Variants in SEC11A observed in about 807,000 individuals in gnomAD.
SEC11A encodes signal peptidase complex catalytic subunit SEC11A.
SEC11A carries 14 observed loss-of-function variants against 25.6 expected under a neutral mutation model. The ratio of observed to expected loss-of-function variants is 0.55; its 90% CI spans 0.36 to 0.85. The LOEUF (loss-of-function observed/expected upper bound fraction) is 0.85, where lower values mean the gene tolerates loss of function less well. SEC11A is among the 40% of genes least tolerant of loss of function. The pLI is 0.01. For missense variants in SEC11A, 153 were observed against 222.9 expected (o/e 0.69, Z 2.00); for synonymous variants, 83 against 76.4 (o/e 1.09, Z -0.45).
chr15:84,706,198 T>A (rs1174195784), intron 1 of SEC11A, among the ~76,000 whole-genome samples: 4 of 152,110 alleles, frequency 2.6e-5, no homozygotes, highest in African/African-American at 9.7e-5. Flanking sequence ...TGAGCCACCA[T>A]ACCTGGCCTG....
At chr15:84,690,099 C>T (rs938282163) in intron 2 of SEC11A, among the ~76,000 whole-genome samples, 6 of 152,172 alleles carry the variant, frequency 3.9e-5, no homozygotes, top group Admixed American at 3.9e-4. Context: ...GAGATCCTAT[C>T]TGCTACGGTT....
intron 1 of SEC11A, among the ~76,000 whole-genome samples, chr15:84,714,153 C>G (rs1898382925): frequency 6.7e-6 from 1 of 149,518 alleles, no homozygotes; most frequent in Non-Finnish European, 1.5e-5. Context: ...GTAGCTGGAA[C>G]TACAGGCGTG....
At chr15:84,691,870 C>T in intron 1 of SEC11A, 1 of 378,028 alleles carries the variant, frequency 2.6e-6, no homozygotes, top group East Asian at 4.6e-5. Context: ...ACATCAGTTA[C>T]ATTTATATAA....
At chr15:84,715,622 G>A (rs756784899) in intron 1 of SEC11A, among the ~76,000 whole-genome samples, 1 of 152,086 alleles carries the variant, frequency 6.6e-6, no homozygotes, top group Non-Finnish European at 1.5e-5. Context: ...CTTCCTGAGC[G>A]CCCCAGAAAC....
At chr15:84,681,447 T>C (rs981355745) in intron 3 of SEC11A, among the ~76,000 whole-genome samples, 1 of 151,962 alleles carries the variant, frequency 6.6e-6, no homozygotes, top group East Asian at 2.0e-4. Context: ...CTGGCCAACA[T>C]GGCGAAACCC....
intron 1 of SEC11A, among the ~76,000 whole-genome samples, chr15:84,710,673 T>C (rs1036996367): frequency 1.3e-5 from 2 of 152,052 alleles, no homozygotes; most frequent in South Asian, 2.1e-4. Flanking sequence ...TGCTACACTT[T>C]AAATAGGATA....
chr15:84,704,920 C>CTT lies in SEC11A; in HGVS notation c.51+11103_51+11104dup, dbSNP rs11407566. Among the ~76,000 whole-genome samples, 111 of 147,328 alleles carry CTT rather than the reference C, an allele frequency of 7.5e-4. 1 individual carries two copies. The highest frequency in any genetic ancestry group is 8.2e-4 in the African/African-American group (33 of 40,156). On this transcript the variant is annotated intron_variant, in intron 1 of 5. Transcript: ENST00000268220. ...TTTCTGCATATGCTACTTCTGGAGT[C>CTT]TTTTTTTTTTTCTCTTTTTAAAGAG...
intron 1 of SEC11A, among the ~76,000 whole-genome samples, chr15:84,696,192 C>G (rs1214200370): frequency 1.3e-5 from 2 of 152,312 alleles, no homozygotes; most frequent in East Asian, 3.9e-4. Context: ...AACTGAGGCA[C>G]AGAGAAGCTA....
chr15:84,715,637 TAAACC>T (rs1308223462), intron 1 of SEC11A, among the ~76,000 whole-genome samples: 1 of 152,140 alleles, frequency 6.6e-6, no homozygotes, highest in African/African-American at 2.4e-5. Flanking sequence ...AGAAACCGGC[TAAACC>T]TCGTCTCTCC....
intron 1 of SEC11A, among the ~76,000 whole-genome samples, chr15:84,696,309 A>T (rs1488997737): frequency 6.6e-6 from 1 of 152,152 alleles, no homozygotes; most frequent in East Asian, 1.9e-4. Flanking sequence ...TAAAAGACAA[A>T]ATGGGTCTTC....
intron 1 of SEC11A, among the ~76,000 whole-genome samples, chr15:84,694,812 C>A (rs1292881968): frequency 6.6e-6 from 1 of 151,882 alleles, no homozygotes; most frequent in East Asian, 1.9e-4. Context: ...CAAAAAAAGG[C>A]CGAGTGCAGT....
chr15:84,670,479 T>C (rs753913216), intron 5 of SEC11A: 1 of 293,520 alleles, frequency 3.4e-6, no homozygotes, highest in Non-Finnish European at 6.4e-6. Flanking sequence ...CCTCAGGTGA[T>C]CTGCCTGCCT....
chr15:84,687,912 T>C (rs1897478311), intron 2 of SEC11A, 138 bp from the exon 3 acceptor site: 2 of 733,494 alleles, frequency 2.7e-6, no homozygotes, highest in Non-Finnish European at 4.2e-6. Flanking sequence ...AACAGAAATG[T>C]GTATTGTTCT....
intron 1 of SEC11A, among the ~76,000 whole-genome samples, chr15:84,702,480 A>G (rs2141914650): frequency 6.6e-6 from 1 of 152,000 alleles, no homozygotes; most frequent in East Asian, 1.9e-4. Flanking sequence ...AAAAAAAAAA[A>G]AAATTTTAGA....
intron 4 of SEC11A, chr15:84,671,704 G>A (rs187759815): frequency 6.6e-6 from 1 of 152,282 alleles, no homozygotes; most frequent in East Asian, 1.9e-4. Flanking sequence ...TGCCTATCTT[G>A]TTCCCCCTGT....
intron 3 of SEC11A, among the ~76,000 whole-genome samples, chr15:84,684,962 A>C (rs940148264): frequency 2.0e-5 from 3 of 152,068 alleles, no homozygotes; most frequent in Non-Finnish European, 4.4e-5. Context: ...AAAAAACCCA[A>C]ATGGTAATCC....
chr15:84,707,627 C>T (rs1039673139), intron 1 of SEC11A, among the ~76,000 whole-genome samples: 1 of 152,172 alleles, frequency 6.6e-6, no homozygotes, highest in Non-Finnish European at 1.5e-5. Flanking sequence ...TTGGATTCTA[C>T]AGCTCACTTT....
chr15:84,715,830 C>T (rs1371750549), intron 1 of SEC11A, among the ~76,000 whole-genome samples, 195 bp downstream of exon 1: 1 of 152,176 alleles, frequency 6.6e-6, no homozygotes, highest in African/African-American at 2.4e-5. Context: ...CCCGGTAGGC[C>T]CTGAATCAGT....
At chr15:84,702,267 C>G (rs1316108837) in intron 1 of SEC11A, among the ~76,000 whole-genome samples, 1 of 151,474 alleles carries the variant, frequency 6.6e-6, no homozygotes, top group African/African-American at 2.4e-5. Context: ...TTGAGACCAG[C>G]CTGGCCAACA....
Sources: gnomAD v4.1 joint callset for allele counts (sites outside exome capture counted in the v4.1 genomes callset) on GRCh38, gnomAD v4.1.1 for gene constraint, MANE v1.5 for transcripts, NCBI Gene and HGNC (gene_info 2026-07-23, HGNC 2026-07-21) for gene names.